The following AUTS2 variants were observed in gnomAD, a reference collection of about 807,000 sequenced individuals.
AUTS2 encodes the protein autism susceptibility gene 2 protein.
AUTS2 carries 17 observed loss-of-function variants against 112.4 expected under a neutral mutation model. The observed-to-expected ratio is 0.15, with a 90% confidence interval of 0.10 to 0.23. The LOEUF is 0.23. AUTS2 is among the 10% of genes least tolerant of loss of function. AUTS2 has a pLI of 1.00. For missense variants in AUTS2, 1,510 were observed against 1,701.6 expected, an observed-to-expected ratio of 0.89 and a Z score of 1.98; for synonymous variants, 751 against 702.7, an observed-to-expected ratio of 1.07 and a Z score of -1.09.
chr7:70,646,134 A>G (rs745453688), intron 5 of AUTS2, among the ~76,000 whole-genome samples: 4 of 152,182 alleles, frequency 2.6e-5, no homozygotes, highest in Non-Finnish European at 4.4e-5. Flanking sequence ...CGACAGACCT[A>G]CAAACCTGAC....
chr7:70,331,283 G>A (rs150934006), intron 4 of AUTS2, among the ~76,000 whole-genome samples: 51 of 152,204 alleles, frequency 3.4e-4, no homozygotes, highest in African/African-American at 1.2e-3. Context: ...TTAGGAGGGT[G>A]TATGTGTCCA....
intron 5 of AUTS2, among the ~76,000 whole-genome samples, chr7:70,477,719 A>G (rs911960597): frequency 9.2e-5 from 14 of 152,208 alleles, no homozygotes; most frequent in African/African-American, 3.4e-4. Context: ...TCATTAACAT[A>G]CTTAAAGGAC....
intron 2 of AUTS2, among the ~76,000 whole-genome samples, chr7:69,996,543 G>A (rs147323755): frequency 5.3e-5 from 8 of 152,204 alleles, no homozygotes; most frequent in Non-Finnish European, 1.2e-4. Flanking sequence ...TTTATATCAA[G>A]GAATCTCCTA....
intron 4 of AUTS2, among the ~76,000 whole-genome samples, chr7:70,427,287 C>T (rs1795476570): frequency 6.6e-6 from 1 of 152,158 alleles, no homozygotes; most frequent in African/African-American, 2.4e-5. Flanking sequence ...TTACAAATCA[C>T]CGGGCCCCAG....
chr7:70,681,698 A>G (rs1214775652), intron 5 of AUTS2, among the ~76,000 whole-genome samples: 1 of 152,106 alleles, frequency 6.6e-6, no homozygotes, highest in East Asian at 1.9e-4. Flanking sequence ...AGGAAGTGTT[A>G]AGTGAATCAT....
intron 5 of AUTS2, among the ~76,000 whole-genome samples, chr7:70,493,646 TAGG>T (rs1798335215): frequency 6.6e-6 from 1 of 152,048 alleles, no homozygotes; most frequent in South Asian, 2.1e-4. Flanking sequence ...AAACAAAGTC[TAGG>T]AGGAGTTAAA....
chr7:70,650,900 G>A (rs10950209), intron 5 of AUTS2, among the ~76,000 whole-genome samples: 54,289 of 151,984 alleles, frequency 0.36, 10,318 homozygotes, highest in Non-Finnish European at 0.43. Context: ...GATGACCAGA[G>A]TTCAAATCAG....
rs117586511 is a variant in AUTS2 at position 69,823,476 on chromosome 7, A to G, written c.310-75810A>G. Among the ~76,000 whole-genome samples, 475 of 152,358 alleles carry G rather than the reference A, an allele frequency of 3.1e-3. 1 individual carries two copies. The highest frequency in any genetic ancestry group is 5.4e-3 in the Non-Finnish European group (370 of 68,036). Reference sequence around the variant, plus strand: ...AGCAGTGATGAAAAGATGCCTAAACATGTGTCCCACAGCAGCTACAGTCCA... The same window carrying G: ...AGCAGTGATGAAAAGATGCCTAAACGTGTGTCCCACAGCAGCTACAGTCCA... On this transcript the variant is annotated intron_variant, in intron 1 of 18. Transcript: ENST00000342771.
At chr7:70,080,768 A>T (rs1261936520) in intron 2 of AUTS2, among the ~76,000 whole-genome samples, 1 of 152,188 alleles carries the variant, frequency 6.6e-6, no homozygotes. Flanking sequence ...GCTCAAATGC[A>T]CTATAGGAAG....
chr7:69,787,611 A>G (rs966579506), intron 1 of AUTS2, among the ~76,000 whole-genome samples: 5 of 152,110 alleles, frequency 3.3e-5, no homozygotes, highest in Non-Finnish European at 5.9e-5. Context: ...GTGCAGTGGC[A>G]TGATCTCTGC....
intron 1 of AUTS2, among the ~76,000 whole-genome samples, chr7:69,767,656 C>T (rs1788486277): frequency 6.6e-6 from 1 of 152,168 alleles, no homozygotes; most frequent in African/African-American, 2.4e-5. Context: ...ATGACCAACC[C>T]ATTGTATGTG....
At chr7:69,762,293 CTTTTTTTTTTTTTTTTTTT>C (rs534032498) in intron 1 of AUTS2, among the ~76,000 whole-genome samples, 3 of 61,586 alleles carry the variant, frequency 4.9e-5, no homozygotes, top group African/African-American at 2.0e-4. Flanking sequence ...GCCAAGTTGT[CTTTTTTTTTTTTTTTTTTT>C]TTTTTTTTTT....
chr7:69,806,197 CTTTTT>C (rs56704400), intron 1 of AUTS2, among the ~76,000 whole-genome samples: 28 of 55,026 alleles, frequency 5.1e-4, no homozygotes, highest in Admixed American at 2.8e-3. Flanking sequence ...CCAGCCAAGG[CTTTTT>C]TTTTTTTTTT....
At chr7:69,629,403 G>GGT (rs1475357498) in intron 1 of AUTS2, among the ~76,000 whole-genome samples, 1 of 152,190 alleles carries the variant, frequency 6.6e-6, no homozygotes, top group Non-Finnish European at 1.5e-5. Context: ...AGCCAACGGA[G>GGT]GTGGGATTCT....
intron 11 of AUTS2, among the ~76,000 whole-genome samples, chr7:70,773,229 G>A (rs938897025): frequency 9.9e-5 from 15 of 152,024 alleles, no homozygotes; most frequent in African/African-American, 2.2e-4. Flanking sequence ...TTTTCCCCAC[G>A]AGTTTAACTT....
intron 2 of AUTS2, among the ~76,000 whole-genome samples, chr7:69,937,853 C>G (rs1263880605): frequency 1.3e-5 from 2 of 152,130 alleles, no homozygotes; most frequent in East Asian, 3.9e-4. Flanking sequence ...CCCTACCTCT[C>G]CAGCCATGGG....
chr7:70,085,189 G>A (rs957085178), intron 2 of AUTS2, among the ~76,000 whole-genome samples: 19 of 151,822 alleles, frequency 1.3e-4, no homozygotes, highest in African/African-American at 4.6e-4. Context: ...TCTTTTTATG[G>A]GTCATCCTTT....
chr7:70,286,105 G>A (rs1788445988), intron 4 of AUTS2, among the ~76,000 whole-genome samples: 1 of 152,202 alleles, frequency 6.6e-6, no homozygotes, highest in Non-Finnish European at 1.5e-5. Flanking sequence ...GAAAGGACTT[G>A]TTTCAGTGGT....
chr7:70,527,053 A>G (rs1212959025), intron 5 of AUTS2, among the ~76,000 whole-genome samples: 1 of 152,236 alleles, frequency 6.6e-6, no homozygotes. Context: ...TGGTGCTGGT[A>G]TCACACAAGC....
Sources: allele counts gnomAD v4.1 joint callset (sites outside exome capture counted in the v4.1 genomes callset), GRCh38; gene constraint gnomAD v4.1.1; transcripts MANE v1.5; gene names NCBI Gene and HGNC (gene_info 2026-07-23, HGNC 2026-07-21).